Variants in FCHSD2 observed in about 807,000 individuals in gnomAD.
The protein encoded by FCHSD2 is FCH and double SH3 domains 2.
In FCHSD2, 38 loss-of-function variants were observed where a neutral mutation model predicts 108.1. The ratio of observed to expected loss-of-function variants is 0.35; its 90% CI spans 0.27 to 0.46. FCHSD2 has a LOEUF of 0.46. Ranked by LOEUF, FCHSD2 falls within the 20% of genes least tolerant of loss-of-function variation. The pLI, the probability that FCHSD2 is intolerant of heterozygous loss-of-function variation, is 1.00. For missense variants in FCHSD2, 751 were observed against 897.8 expected (o/e 0.84, Z 2.09); for synonymous variants, 279 against 314.7 (o/e 0.89, Z 1.20).
At chr11:72,910,047 G>A (rs576374900) in intron 9 of FCHSD2, among the ~76,000 whole-genome samples, 6 of 149,756 alleles carry the variant, frequency 4.0e-5, no homozygotes, top group Non-Finnish European at 7.4e-5. Context: ...CGTCTGGGAA[G>A]TGAGGAGCAC....
chr11:73,021,550 C>T (rs1048745300), intron 3 of FCHSD2, among the ~76,000 whole-genome samples: 1 of 151,808 alleles, frequency 6.6e-6, no homozygotes, highest in African/African-American at 2.4e-5. Flanking sequence ...GACACTGGGG[C>T]CTTTTGGAGG....
chr11:72,866,256 TTTTTG>T (rs148512536), intron 13 of FCHSD2, among the ~76,000 whole-genome samples: 72,125 of 150,982 alleles, frequency 0.48, 17,920 homozygotes, highest in South Asian at 0.67. Flanking sequence ...TCTGTTCTGT[TTTTTG>T]TTTTGTTTTG....
At chr11:72,963,887 G>A (rs1856858909) in intron 8 of FCHSD2, among the ~76,000 whole-genome samples, 1 of 152,120 alleles carries the variant, frequency 6.6e-6, no homozygotes, top group Admixed American at 6.5e-5. Context: ...CCCTGGGGTT[G>A]GGGACCCTGG....
At chr11:72,942,926 T>C (rs1191568769) in intron 8 of FCHSD2, among the ~76,000 whole-genome samples, 1 of 152,124 alleles carries the variant, frequency 6.6e-6, no homozygotes, top group African/African-American at 2.4e-5. Context: ...TACAGGTGCA[T>C]ACTTCCCAAA....
intron 5 of FCHSD2, 60 bp downstream of exon 5, chr11:73,000,930 G>T: frequency 1.4e-6 from 2 of 1,426,858 alleles, no homozygotes; most frequent in Middle Eastern, 2.1e-4. Flanking sequence ...TAACCTTGCA[G>T]ATTATAAATG....
At chr11:72,956,524 C>T (rs3903492) in intron 8 of FCHSD2, among the ~76,000 whole-genome samples, 150,965 of 152,338 alleles carry the variant, frequency 0.99, 74,801 homozygotes, top group East Asian at 1. Context: ...TTATAATCAA[C>T]AGCATTAATT....
At chr11:72,847,739 C>T (rs1237148538) in intron 14 of FCHSD2, among the ~76,000 whole-genome samples, 3 of 143,966 alleles carry the variant, frequency 2.1e-5, no homozygotes, top group Non-Finnish European at 4.5e-5. Context: ...GTCACCCAGG[C>T]TGGAGCGCAA....
chr11:72,906,276 GTTT>G (rs915100752), intron 9 of FCHSD2, among the ~76,000 whole-genome samples: 11 of 152,070 alleles, frequency 7.2e-5, no homozygotes, highest in Admixed American at 1.3e-4. Context: ...TGATGGCGTT[GTTT>G]TTTTCTTGTA....
chr11:72,952,030 G>GGC (rs1856629494), intron 8 of FCHSD2, among the ~76,000 whole-genome samples: 3 of 152,076 alleles, frequency 2.0e-5, no homozygotes, highest in Non-Finnish European at 4.4e-5. Flanking sequence ...TTTTTGGCAA[G>GGC]AATCAAAAAT....
rs562377488 is a variant in FCHSD2, at chr11:73,120,900, G to A, written c.119+19131C>T. ...TGCTCTAACAGCACTGGATGTTATG[G>A]GAACACACAGGCAGAGTCAAAAACA... On this transcript the variant is annotated intron_variant, in intron 2 of 19. Transcript: ENST00000409418. Among the ~76,000 whole-genome samples, 8 of 151,514 alleles carry A rather than the reference G, an allele frequency of 5.3e-5. No individual in the cohort carries two copies. In the East Asian group the frequency reaches 5.8e-4, roughly 11 times the overall value.
intron 3 of FCHSD2, among the ~76,000 whole-genome samples, chr11:73,039,829 A>G (rs1858590765): frequency 6.6e-6 from 1 of 152,212 alleles, no homozygotes; most frequent in South Asian, 2.1e-4. Flanking sequence ...ACTGCTAGAA[A>G]AAGACAACAA....
At chr11:73,125,468 G>GC (rs1302181295) in intron 2 of FCHSD2, among the ~76,000 whole-genome samples, 1 of 151,848 alleles carries the variant, frequency 6.6e-6, no homozygotes, top group African/African-American at 2.4e-5. Flanking sequence ...ACTTTGGGAG[G>GC]CCAAAGAAGG....
At chr11:72,878,237 C>T (rs986162927) in intron 12 of FCHSD2, among the ~76,000 whole-genome samples, 10 of 152,016 alleles carry the variant, frequency 6.6e-5, no homozygotes, top group African/African-American at 2.4e-4. Context: ...TATGATTGTG[C>T]CTGTGAATAG....
rs554654880 is a variant in FCHSD2 at position 72,920,165 on chromosome 11, A to G, written c.828+1663T>C. Reference sequence around the variant, plus strand: ...TTAAGGAAATAGACACAACACTGAGAAGCAGAATAAAGGTCATTTTATCTG... The same window carrying G: ...TTAAGGAAATAGACACAACACTGAGGAGCAGAATAAAGGTCATTTTATCTG... On this transcript the variant is annotated intron_variant, in intron 9 of 19. Transcript: ENST00000409418. Among the ~76,000 whole-genome samples, 12 of 152,354 alleles carry G rather than the reference A, an allele frequency of 7.9e-5. No homozygotes were observed. In the East Asian group the frequency reaches 2.3e-3, roughly 29 times the overall value.
chr11:73,098,354 T>TCTG (rs1210002833), intron 2 of FCHSD2, among the ~76,000 whole-genome samples: 2 of 152,212 alleles, frequency 1.3e-5, no homozygotes, highest in Non-Finnish European at 2.9e-5. Context: ...TTGCATATTT[T>TCTG]CTGTCCCCTT....
At chr11:73,049,274 A>C (rs558144943) in intron 3 of FCHSD2, among the ~76,000 whole-genome samples, 1 of 152,308 alleles carries the variant, frequency 6.6e-6, no homozygotes, top group East Asian at 1.9e-4. Flanking sequence ...TAAAACTTTA[A>C]GGAAAAAATT....
At position 73,039,286 on chromosome 11, in the gene FCHSD2, G is replaced by C. The variant is rs533679504; in HGVS notation, c.166-23401C>G. The stretch of plus-strand genomic sequence containing the variant: ...TAAGCCCAGCACTTTGGGAAGCAGA[G>C]GTGGGCGGATCACTTGAGGTCAGGA... On this transcript the variant is annotated intron_variant, in intron 3 of 19. Coordinates refer to ENST00000409418, the MANE Select transcript of FCHSD2 (RefSeq NM_014824.3). 1.1e-3 allele frequency among the ~76,000 whole-genome samples: 162 copies of C among 152,086 alleles called. 2 individuals carry two copies. The highest frequency in any genetic ancestry group is 6.8e-4 in the Non-Finnish European group (46 of 68,014).
intron 9 of FCHSD2, among the ~76,000 whole-genome samples, chr11:72,904,329 T>C (rs1855586230): frequency 6.6e-6 from 1 of 152,248 alleles, no homozygotes; most frequent in East Asian, 1.9e-4. Flanking sequence ...GCCAAACTTG[T>C]CCTCAAAACT....
chr11:72,874,104 T>G (rs1237957352), intron 12 of FCHSD2, among the ~76,000 whole-genome samples: 1 of 152,220 alleles, frequency 6.6e-6, no homozygotes, highest in African/African-American at 2.4e-5. Flanking sequence ...AAAAAAAAAT[T>G]TAATGTGCCT....
Sources: gnomAD v4.1 joint callset for allele counts (sites outside exome capture counted in the v4.1 genomes callset) on GRCh38, gnomAD v4.1.1 for gene constraint, MANE v1.5 for transcripts, NCBI Gene and HGNC (gene_info 2026-07-23, HGNC 2026-07-21) for gene names.